WDR47: variants seen among roughly 807,000 people sequenced by gnomAD.
WDR47 encodes WD repeat domain 47, also known as WD repeat-containing protein 47.
A neutral mutation model predicts 97.2 loss-of-function variants in WDR47; 32 were observed. That is an observed-to-expected ratio of 0.33 (90% CI 0.25 to 0.44). WDR47 has a LOEUF of 0.44. Ranked by LOEUF, WDR47 falls within the 20% of genes least tolerant of loss-of-function variation. The pLI is 1.00. For missense variants in WDR47, 782 were observed against 1,102.3 expected, an observed-to-expected ratio of 0.71 and a Z score of 4.11; for synonymous variants, 375 against 373.5, an observed-to-expected ratio of 1.00 and a Z score of -0.05.
At chr1:109,009,113 A>C (rs575982557) in intron 5 of WDR47, among the ~76,000 whole-genome samples, 133 of 152,284 alleles carry the variant, frequency 8.7e-4, no homozygotes, top group African/African-American at 3.1e-3. Context: ...AATAAAAATA[A>C]AAGAAACAGA....
intron 13 of WDR47, among the ~76,000 whole-genome samples, chr1:108,980,574 C>A (rs1479741926): frequency 6.6e-6 from 1 of 151,548 alleles, no homozygotes; most frequent in Non-Finnish European, 1.5e-5. Flanking sequence ...ACTAAAAATA[C>A]CAAAATTAGC....
At chr1:108,995,511 G>A in intron 8 of WDR47, 69 bp downstream of exon 8, 4 of 1,556,954 alleles carry the variant, frequency 2.6e-6, no homozygotes, top group Non-Finnish European at 3.5e-6. Flanking sequence ...AGGCTCCAAA[G>A]ACAAGTTCAA....
intron 5 of WDR47, among the ~76,000 whole-genome samples, chr1:109,006,731 A>G (rs72699299): frequency 0.011 from 1,628 of 152,296 alleles, 12 homozygotes; most frequent in Middle Eastern, 0.024. Flanking sequence ...TCAGACTCCA[A>G]TTCCAGTGCC....
intron 7 of WDR47, among the ~76,000 whole-genome samples, chr1:108,999,193 C>T (rs1374240970): frequency 1.3e-5 from 2 of 150,770 alleles, no homozygotes; most frequent in African/African-American, 4.9e-5. Context: ...CGCCACTGCA[C>T]TCCAGCCTGG....
chr1:108,991,367 T>C (rs368252643), intron 8 of WDR47, 38 bp from the exon 9 acceptor site: 2 of 1,554,432 alleles, frequency 1.3e-6, no homozygotes, highest in Admixed American at 1.8e-5. Context: ...TTACTCCATG[T>C]ATCAAAATAG....
chr1:108,997,216 G>A (rs1311114391), intron 7 of WDR47, among the ~76,000 whole-genome samples: 3 of 151,430 alleles, frequency 2.0e-5, no homozygotes, highest in African/African-American at 4.9e-5. Flanking sequence ...GCTTGAGCTC[G>A]GGAGTTTGAG....
chr1:109,033,498 C>G (rs1340648530), intron 1 of WDR47, among the ~76,000 whole-genome samples: 1 of 152,200 alleles, frequency 6.6e-6, no homozygotes, highest in Non-Finnish European at 1.5e-5. Flanking sequence ...CCAACATGCT[C>G]ACTTCCACAC....
chr1:109,004,829 T>C (rs1391719125), intron 5 of WDR47, 114 bp from the exon 6 acceptor site: 6 of 1,275,894 alleles, frequency 4.7e-6, no homozygotes, highest in Non-Finnish European at 5.1e-6. Context: ...GGAGTCTCTC[T>C]CTGTAGCCCC....
Position 109,010,813 on chromosome 1 carries a change from A to G in WDR47, c.1130+103T>C. On this transcript the variant is annotated intron_variant, in intron 5 of 14. Coordinates refer to ENST00000369962, the MANE Select transcript of WDR47 (RefSeq NM_001142551.2). ...TAGCCAGGATGGTCTCAATCTCCTG[A>G]CCTTGTGATCCACCCACCTCGGCCT... The G allele has an allele frequency of 3.6e-6, 4 of 1,117,544 alleles. No individual in the cohort carries two copies. In the South Asian group the frequency reaches 6.0e-5, roughly 17 times the overall value. 69.2% of individuals were successfully genotyped at this position (1,117,544 alleles called of 1,614,324 possible).
At position 108,972,724 on chromosome 1, in the gene WDR47, G is replaced by A. The variant is rs140730148; in HGVS notation, c.2618-1152C>T. Among the ~76,000 whole-genome samples, 940 of 152,236 alleles carry A rather than the reference G, an allele frequency of 6.2e-3. 3 individuals carry two copies. Among genetic ancestry groups the A allele is most frequent in the African/African-American group, 0.021 (865 of 41,542 alleles). ...TGGGAGGCCAAGGCAGGCAGATCAC[G>A]AGGTCAGGAGATCAAGACCATCAAG... On this transcript the variant is annotated intron_variant, in intron 14 of 14. Coordinates refer to ENST00000369962, the MANE Select transcript of WDR47 (RefSeq NM_001142551.2).
intron 1 of WDR47, among the ~76,000 whole-genome samples, chr1:109,028,157 C>G (rs963647652): frequency 2.0e-5 from 3 of 152,052 alleles, no homozygotes; most frequent in African/African-American, 7.2e-5. Flanking sequence ...AATGTCTCTA[C>G]AAAAGTACAG....
At chr1:109,020,529 T>C (rs1047796288) in intron 2 of WDR47, among the ~76,000 whole-genome samples, 1 of 152,124 alleles carries the variant, frequency 6.6e-6, no homozygotes, top group East Asian at 1.9e-4. Flanking sequence ...CCCAAAGTGC[T>C]GGGATTACAG....
chr1:109,005,996 G>A (rs113090329), intron 5 of WDR47, among the ~76,000 whole-genome samples: 5,580 of 152,162 alleles, frequency 0.037, 349 homozygotes, highest in African/African-American at 0.13. Flanking sequence ...ATAATACAAT[G>A]CCTAAATTAT....
At chr1:109,026,350 T>A (rs376652814) in intron 1 of WDR47, among the ~76,000 whole-genome samples, 4 of 160 alleles carry the variant, frequency 0.025, no homozygotes, top group Non-Finnish European at 0.042. Flanking sequence ...CGTGCCCACC[T>A]TTTTTTTTTT....
chr1:109,002,527 T>A, intron 6 of WDR47, 125 bp from the exon 7 acceptor site: 3 of 798,502 alleles, frequency 3.8e-6, no homozygotes, highest in Non-Finnish European at 5.5e-6. Context: ...ACAAAATACT[T>A]AATCTATTGC....
In WDR47 at chr1:109,032,277, G is replaced by A. The variant is rs1180436748; in HGVS notation, c.-9-8756C>T. Among the ~76,000 whole-genome samples, 4 of 135,176 alleles carry A rather than the reference G, an allele frequency of 3.0e-5. 1 individual carries two copies. Among genetic ancestry groups the A allele is most frequent in the Non-Finnish European group, 6.5e-5 (4 of 61,208 alleles). The allele number at this position is 135,176 out of a possible 152,430, so 88.7% of individuals were successfully genotyped here. On this transcript the variant is annotated intron_variant, in intron 1 of 14. Coordinates refer to ENST00000369962, the MANE Select transcript of WDR47 (RefSeq NM_001142551.2). ...CTGTAATCCCAGCACTTTGGGAGGC[G>A]GAGGCGGGTGGATCTCGAGGTCAGA...
At chr1:109,038,403 G>A (rs1663106345) in intron 1 of WDR47, among the ~76,000 whole-genome samples, 1 of 152,192 alleles carries the variant, frequency 6.6e-6, no homozygotes, top group Non-Finnish European at 1.5e-5. Flanking sequence ...ATCGAGCCAG[G>A]TGCAGTGGCT....
At chr1:108,989,074 T>C (rs1028018563) in intron 9 of WDR47, among the ~76,000 whole-genome samples, 2 of 152,126 alleles carry the variant, frequency 1.3e-5, no homozygotes, top group Non-Finnish European at 2.9e-5. Context: ...TACTTTAAAC[T>C]GTCAACCTGT....
chr1:109,002,982 A>G (rs543824098), intron 6 of WDR47, among the ~76,000 whole-genome samples: 23 of 152,346 alleles, frequency 1.5e-4, no homozygotes, highest in Admixed American at 3.9e-4. Context: ...AATCCCACTG[A>G]GTATCCACCT....
Sources: allele counts gnomAD v4.1 joint callset (sites outside exome capture counted in the v4.1 genomes callset), GRCh38; gene constraint gnomAD v4.1.1; transcripts MANE v1.5; gene names NCBI Gene and HGNC (gene_info 2026-07-23, HGNC 2026-07-21).